The following SPON1 variants were observed in gnomAD, a reference collection of about 807,000 sequenced individuals.
The protein encoded by SPON1 is spondin 1.
SPON1 carries 52 observed loss-of-function variants against 111.7 expected under a neutral mutation model. That is an observed-to-expected ratio of 0.47 (90% confidence interval 0.37 to 0.59). SPON1 has a LOEUF of 0.59. SPON1 is among the 20% of genes least tolerant of loss of function. The probability of loss-of-function intolerance (pLI) is 0.00; values close to 1 mark genes in which losing one functional copy is unlikely to be tolerated. For synonymous variants in SPON1, 410 were observed against 395.8 expected, an observed-to-expected ratio of 1.04 and a Z score of -0.43; for missense variants, 957 against 1,068.5, an observed-to-expected ratio of 0.90 and a Z score of 1.46.
intron 5 of SPON1, among the ~76,000 whole-genome samples, chr11:14,107,590 GAAA>G (rs3047369): frequency 0.032 from 3,804 of 119,208 alleles, 95 homozygotes; most frequent in African/African-American, 0.074. Context: ...AGATCCTCAG[GAAA>G]AAAAAAAAAA....
At chr11:14,231,117 CTTTTTTTCT>C (rs1271499797) in intron 6 of SPON1, among the ~76,000 whole-genome samples, 2 of 150,966 alleles carry the variant, frequency 1.3e-5, no homozygotes, top group African/African-American at 2.4e-5. Context: ...CCAGCCGCCA[CTTTTTTTCT>C]TTTTTTTCTT....
chr11:14,234,316 C>T (rs1848838410), intron 6 of SPON1, among the ~76,000 whole-genome samples: 1 of 152,174 alleles, frequency 6.6e-6, no homozygotes, highest in Non-Finnish European at 1.5e-5. Context: ...TTTGCTCTGG[C>T]CTTGGCACTA....
At chr11:13,997,132 C>A (rs571719862) in intron 2 of SPON1, among the ~76,000 whole-genome samples, 15 of 152,286 alleles carry the variant, frequency 9.8e-5, no homozygotes, top group Non-Finnish European at 1.5e-4. Flanking sequence ...TGTATGCACA[C>A]ATGTATATGT....
At chr11:14,077,939 A>G (rs565444744) in intron 4 of SPON1, among the ~76,000 whole-genome samples, 2 of 152,256 alleles carry the variant, frequency 1.3e-5, no homozygotes, top group East Asian at 3.9e-4. Context: ...AACAAAGAAT[A>G]CAGGAAGAGA....
At chr11:14,200,603 G>C (rs1241388393) in intron 6 of SPON1, among the ~76,000 whole-genome samples, 1 of 151,792 alleles carries the variant, frequency 6.6e-6, no homozygotes, top group African/African-American at 2.4e-5. Flanking sequence ...ATTACTTGGG[G>C]CCAGGTTTGA....
chr11:14,199,474 G>C (rs187586774), intron 6 of SPON1, among the ~76,000 whole-genome samples: 4 of 150,164 alleles, frequency 2.7e-5, no homozygotes, highest in Admixed American at 6.7e-5. Context: ...TCTCTTTCCT[G>C]GTTCAGGCCT....
At chr11:14,014,595 G>C (rs1258827816) in intron 2 of SPON1, among the ~76,000 whole-genome samples, 1 of 152,222 alleles carries the variant, frequency 6.6e-6, no homozygotes, top group Non-Finnish European at 1.5e-5. Flanking sequence ...ACAATAAACT[G>C]AGTGGGGCGT....
At chr11:14,182,712 T>A (rs977693629) in intron 6 of SPON1, among the ~76,000 whole-genome samples, 5 of 152,204 alleles carry the variant, frequency 3.3e-5, no homozygotes, top group Non-Finnish European at 5.9e-5. Flanking sequence ...TGACGGTCCA[T>A]AAAAGGCTCC....
At position 14,255,936 on chromosome 11, in the gene SPON1, CA is replaced by C. The variant is rs1849102480; in HGVS notation, c.1233+152del. 16 of 827,482 alleles carry C rather than the reference CA, an allele frequency of 1.9e-5. No individual in the cohort carries two copies. In the South Asian group the frequency reaches 3.2e-4, roughly 17 times the overall value. 51.3% of individuals were successfully genotyped at this position (827,482 alleles called of 1,614,324 possible). A position where few individuals can be genotyped will look rare whatever the true frequency, so the allele number is the denominator to read the frequency against. On this transcript the variant is annotated intron_variant, in intron 9 of 15. Coordinates refer to ENST00000576479, the MANE Select transcript of SPON1 (RefSeq NM_006108.4). ...TGGGCCTCCCCAGGTTTCTAACATG[CA>C]AATTATTTCATAAGATGAAAATAAG...
chr11:14,132,887 A>C, intron 5 of SPON1, among the ~76,000 whole-genome samples: 1 of 152,246 alleles, frequency 6.6e-6, no homozygotes, highest in East Asian at 1.9e-4. Flanking sequence ...TCAATATATT[A>C]TCTCACTTTT....
At chr11:13,988,176 T>C (rs1265311397) in intron 2 of SPON1, among the ~76,000 whole-genome samples, 1 of 152,236 alleles carries the variant, frequency 6.6e-6, no homozygotes, top group Non-Finnish European at 1.5e-5. Context: ...TGATTCTTCC[T>C]ATCCATGAGC....
chr11:14,034,117 G>T (rs782568813), intron 2 of SPON1, among the ~76,000 whole-genome samples: 1 of 152,152 alleles, frequency 6.6e-6, no homozygotes, highest in Non-Finnish European at 1.5e-5. Flanking sequence ...TTCACAGCCA[G>T]CCTGGGCAAC....
At chr11:14,043,247 A>G (rs1027133592) in intron 3 of SPON1, among the ~76,000 whole-genome samples, 4 of 152,174 alleles carry the variant, frequency 2.6e-5, no homozygotes, top group African/African-American at 4.8e-5. Flanking sequence ...AAAGCCTTCT[A>G]GTGAAAACAA....
chr11:14,244,989 AGACT>A (rs1848972846), intron 7 of SPON1, among the ~76,000 whole-genome samples: 1 of 152,202 alleles, frequency 6.6e-6, no homozygotes, highest in Non-Finnish European at 1.5e-5. Context: ...CAAGGCCTGG[AGACT>A]GACCCCAAGA....
At chr11:13,995,460 A>AGGTG (rs527653905) in intron 2 of SPON1, among the ~76,000 whole-genome samples, 43 of 152,316 alleles carry the variant, frequency 2.8e-4, no homozygotes, top group African/African-American at 1.0e-3. Flanking sequence ...CTTCTTCATA[A>AGGTG]GGTGGCTGGA....
chr11:14,208,644 G>T (rs1554936409), intron 6 of SPON1, among the ~76,000 whole-genome samples: 1 of 152,004 alleles, frequency 6.6e-6, no homozygotes, highest in South Asian at 2.1e-4. Context: ...TAAAAAGTAT[G>T]CATTTAACTC....
chr11:13,974,414 G>A (rs782572083), intron 1 of SPON1, among the ~76,000 whole-genome samples: 9 of 152,150 alleles, frequency 5.9e-5, no homozygotes, highest in Non-Finnish European at 1.0e-4. Flanking sequence ...GACAGAGTGC[G>A]GAGGAAGATG....
At chr11:14,139,186 A>G (rs1847623642) in intron 6 of SPON1, among the ~76,000 whole-genome samples, 2 of 152,244 alleles carry the variant, frequency 1.3e-5, no homozygotes, top group African/African-American at 4.8e-5. Flanking sequence ...TTGGGCATAC[A>G]GAACCTCTTT....
intron 6 of SPON1, among the ~76,000 whole-genome samples, chr11:14,158,949 G>C (rs180733411): frequency 3.9e-5 from 6 of 152,028 alleles, no homozygotes; most frequent in South Asian, 4.2e-4. Flanking sequence ...CTGTACGTCT[G>C]TCTGCAATTG....
Sources: gnomAD v4.1 joint callset for allele counts (sites outside exome capture counted in the v4.1 genomes callset) on GRCh38, gnomAD v4.1.1 for gene constraint, MANE v1.5 for transcripts, NCBI Gene and HGNC (gene_info 2026-07-23, HGNC 2026-07-21) for gene names.